Variants in LATS2 observed in about 807,000 individuals in gnomAD.
The protein encoded by LATS2 is large tumor suppressor kinase 2, also known as serine/threonine-protein kinase LATS2.
A neutral mutation model predicts 76.0 loss-of-function variants in LATS2; 24 were observed. The observed-to-expected ratio is 0.32, with a 90% CI of 0.23 to 0.44. The LOEUF (loss-of-function observed/expected upper bound fraction) is 0.44. Ranked by LOEUF, LATS2 falls within the 20% of genes least tolerant of loss-of-function variation. LATS2 has a pLI of 1.00. For missense variants in LATS2, 1,286 were observed against 1,481.2 expected (o/e 0.87, Z 2.16); for synonymous variants, 692 against 635.4 (o/e 1.09, Z -1.34).
intron 2 of LATS2, among the ~76,000 whole-genome samples, chr13:21,025,255 G>A (rs759818155): frequency 8.7e-4 from 132 of 151,856 alleles, no homozygotes; most frequent in Non-Finnish European, 1.4e-3. Context: ...AGACGGGTAT[G>A]GTGGCAAGCA....
chr13:21,036,774 A>AAAC (rs147758795), intron 2 of LATS2, among the ~76,000 whole-genome samples: 2 of 151,356 alleles, frequency 1.3e-5, no homozygotes, highest in Non-Finnish European at 2.9e-5. Flanking sequence ...CTCCGTCTCA[A>AAAC]AACAACAACA....
chr13:21,054,893 C>T (rs1202184350), intron 1 of LATS2, among the ~76,000 whole-genome samples: 1 of 152,168 alleles, frequency 6.6e-6, no homozygotes, highest in African/African-American at 2.4e-5. Flanking sequence ...GGGGGAGGAC[C>T]CCACAAGCTG....
intron 2 of LATS2, among the ~76,000 whole-genome samples, chr13:20,999,461 C>T (rs754586728): frequency 6.6e-6 from 1 of 152,102 alleles, no homozygotes; most frequent in Non-Finnish European, 1.5e-5. Context: ...GCTGCAGAAG[C>T]GAGCACTTTT....
Position 20,981,381 on chromosome 13 carries a change from C to T in LATS2, c.2665+85G>A, listed in dbSNP as rs549979033. On this transcript the variant is annotated intron_variant, in intron 6 of 7. Transcript: ENST00000382592. Reference sequence around the variant, plus strand: ...AAAATATGACTGGAAGCATTAGGTCCTTGGAAAGCTAGAGCCAGCGAGACT... The same window carrying T: ...AAAATATGACTGGAAGCATTAGGTCTTTGGAAAGCTAGAGCCAGCGAGACT... 3.2e-5 allele frequency: 42 copies of T among 1,297,624 alleles called. No individual in the cohort carries two copies. The African/African-American group carries it at 4.4e-4, about 14-fold the overall frequency. The allele number at this position is 1,297,624 out of a possible 1,614,324, so 80.4% of individuals were successfully genotyped here. A position where few individuals can be genotyped will look rare whatever the true frequency, so the allele number is the denominator to read the frequency against.
At chr13:21,030,575 GT>G (rs1210178939) in intron 2 of LATS2, among the ~76,000 whole-genome samples, 5 of 119,146 alleles carry the variant, frequency 4.2e-5, no homozygotes, top group African/African-American at 1.6e-4. Context: ...GGCGACAAGA[GT>G]GAGAGACTCC....
chr13:21,051,554 C>A (rs371577718), intron 1 of LATS2, among the ~76,000 whole-genome samples: 52 of 152,222 alleles, frequency 3.4e-4, no homozygotes, highest in African/African-American at 1.2e-3. Flanking sequence ...AAAAATGGGG[C>A]CAGTGGTGGT....
chr13:21,008,634 A>G (rs1351840478), intron 2 of LATS2, among the ~76,000 whole-genome samples: 7 of 152,196 alleles, frequency 4.6e-5, no homozygotes, highest in Non-Finnish European at 1.0e-4. Flanking sequence ...CACTGAAAAA[A>G]TAAGAGAGCA....
At chr13:21,011,362 C>CT (rs1871586945) in intron 2 of LATS2, among the ~76,000 whole-genome samples, 2 of 152,218 alleles carry the variant, frequency 1.3e-5, no homozygotes, top group Admixed American at 1.3e-4. Context: ...AATCTGGACT[C>CT]TGATACTTTG....
chr13:21,007,571 A>AC (rs553713313), intron 2 of LATS2, among the ~76,000 whole-genome samples: 1 of 18,498 alleles, frequency 5.4e-5, no homozygotes, highest in African/African-American at 6.5e-4. Context: ...ATATATATAT[A>AC]TATATATATA....
At chr13:20,987,184 G>A (rs1039222724) in intron 4 of LATS2, among the ~76,000 whole-genome samples, 3 of 151,784 alleles carry the variant, frequency 2.0e-5, no homozygotes, top group Non-Finnish European at 4.4e-5. Context: ...GACAGAGCAA[G>A]ACTCCGTCTA....
intron 1 of LATS2, among the ~76,000 whole-genome samples, chr13:21,054,537 C>A (rs1369657964): frequency 3.3e-5 from 5 of 152,194 alleles, no homozygotes; most frequent in Non-Finnish European, 7.3e-5. Flanking sequence ...AGCTGCACCT[C>A]CCCACCCCAC....
intron 2 of LATS2, among the ~76,000 whole-genome samples, chr13:21,025,217 TAAA>T (rs11357046): frequency 1.1e-4 from 15 of 134,912 alleles, no homozygotes; most frequent in East Asian, 4.3e-4. Flanking sequence ...CCGTCTCTAC[TAAA>T]AAAAAAAAAA....
In LATS2 at chr13:20,988,673, C is replaced by G. The variant is rs1870328604; in HGVS notation, c.1107G>C (p.Gln369His). ...GGCGGGCCAGGGTGGCAGCCGGCCA[C>G]TGCTGGACGGAGGTGCTGCCCAATT... ...LYELGSTSVQ[Q>H]WPAATLARRD... The change falls in exon 4 of 8, where the codon CAG becomes CAC. Residue 369 changes from glutamine to histidine, a missense_variant. This residue lies in a region of LATS2 where 710 missense variants were observed against 660.9 expected (regional missense o/e 1.07). Coordinates refer to ENST00000382592, the MANE Select transcript of LATS2 (RefSeq NM_014572.3). The G allele has an allele frequency of 1.3e-6, 2 of 1,575,322 alleles. No individual in the cohort carries two copies. Among genetic ancestry groups the G allele is most frequent in the Non-Finnish European group, 1.7e-6 (2 of 1,170,286 alleles).
intron 2 of LATS2, among the ~76,000 whole-genome samples, chr13:21,014,189 G>C (rs897772986): frequency 6.6e-6 from 1 of 152,108 alleles, no homozygotes; most frequent in South Asian, 2.1e-4. Flanking sequence ...AGGGGGAAAG[G>C]CGCGCAGGTC....
At position 20,996,439 on chromosome 13, in the gene LATS2, C is replaced by T. The variant is rs117329033; in HGVS notation, c.343-5035G>A. On this transcript the variant is annotated intron_variant, in intron 2 of 7. Transcript: ENST00000382592. The stretch of plus-strand genomic sequence containing the variant: ...TGTCCCCCAGGGTGGAGTACAGTGG[C>T]GTAATATTGGCTCACTGAAATTTCA... Among the ~76,000 whole-genome samples, 246 of 146,340 alleles carry T rather than the reference C, an allele frequency of 1.7e-3. 7 individuals are homozygous for T. In the East Asian group the frequency reaches 0.044, roughly 26 times the overall value.
chr13:21,047,431 G>A (rs1164454601), intron 1 of LATS2, among the ~76,000 whole-genome samples: 1 of 152,202 alleles, frequency 6.6e-6, no homozygotes, highest in African/African-American at 2.4e-5. Context: ...CAGGGAAGGT[G>A]CCCGCTGGTG....
intron 2 of LATS2, among the ~76,000 whole-genome samples, chr13:21,023,355 C>A (rs1255685973): frequency 6.6e-6 from 1 of 152,068 alleles, no homozygotes; most frequent in Non-Finnish European, 1.5e-5. Context: ...CGCTCGCCCC[C>A]TCTCCAGGCC....
rs377473754 is a variant in LATS2 at position 21,027,127 on chromosome 13, TA to T, written c.342+18557del. ...TTCCAAATGTGAGTCCATTGTCAGATATATGTATCAGTAATATTTTTTCTCA... is the reference window on the plus strand; with the variant it reads ...TTCCAAATGTGAGTCCATTGTCAGATTATGTATCAGTAATATTTTTTCTCA... On this transcript the variant is annotated intron_variant, in intron 2 of 7. Transcript: ENST00000382592. Among the ~76,000 whole-genome samples the T allele has an allele frequency of 1.5e-3, 224 of 152,360 alleles. 1 individual carries two copies. Among genetic ancestry groups the T allele is most frequent in the African/African-American group, 4.9e-3 (202 of 41,594 alleles).
Position 20,974,609 on chromosome 13 carries a change from C to A in LATS2, c.*261G>T. Reference sequence around the variant, plus strand: ...AATGGATATAAACAAAATAAGTGCTCTTTCTAAACTGTACTAAATTTTCAA... The same window carrying A: ...AATGGATATAAACAAAATAAGTGCTATTTCTAAACTGTACTAAATTTTCAA... On this transcript the variant is annotated 3_prime_UTR_variant, in exon 8 of 8. Coordinates refer to ENST00000382592, the MANE Select transcript of LATS2 (RefSeq NM_014572.3). 2.4e-6 allele frequency: 1 copy of A among 409,772 alleles called. No homozygotes were observed. The highest frequency in any genetic ancestry group is 4.3e-6 in the Non-Finnish European group (1 of 230,978). 25.4% of individuals were successfully genotyped at this position (409,772 alleles called of 1,614,324 possible). A position where few individuals can be genotyped will look rare whatever the true frequency, so the allele number is the denominator to read the frequency against.
Sources: allele counts gnomAD v4.1 joint callset (sites outside exome capture counted in the v4.1 genomes callset), GRCh38; gene constraint gnomAD v4.1.1; regional missense constraint gnomAD v4.1.1; transcripts MANE v1.5; gene names NCBI Gene and HGNC (gene_info 2026-07-23, HGNC 2026-07-21).